DNAAF4: variants seen among roughly 807,000 people sequenced by gnomAD.
DNAAF4 encodes dynein assembly factor 4, axonemal.
Under a neutral mutation model 51.8 loss-of-function variants are expected in DNAAF4, and 43 were observed. The observed-to-expected ratio is 0.83, with a 90% CI of 0.65 to 1.07. The LOEUF (loss-of-function observed/expected upper bound fraction) is 1.07. Among genes scored for constraint, DNAAF4 ranks in the 50% least tolerant of loss-of-function variants. The pLI, the probability that DNAAF4 is intolerant of heterozygous loss-of-function variation, is 0.00. For synonymous variants in DNAAF4, 194 were observed against 165.6 expected (o/e 1.17, Z -1.32); for missense variants, 581 against 493.0 (o/e 1.18, Z -1.69).
downstream of DNAAF4, among the ~76,000 whole-genome samples, chr15:55,426,712 G>C (rs11856786): frequency 6.6e-6 from 1 of 152,232 alleles, no homozygotes; most frequent in African/African-American, 2.4e-5. Context: ...GAGCCACTGA[G>C]CCTGGCCCAA....
intron 8 of DNAAF4, among the ~76,000 whole-genome samples, chr15:55,433,977 A>ATTC (rs796739609): frequency 3.9e-5 from 1 of 25,448 alleles, no homozygotes; most frequent in Non-Finnish European, 5.7e-5. Context: ...TATTTTATAT[A>ATTC]TTATATATAA....
chr15:55,452,004 C>G (rs1044798190), intron 5 of DNAAF4, among the ~76,000 whole-genome samples: 18 of 151,820 alleles, frequency 1.2e-4, no homozygotes, highest in Non-Finnish European at 2.2e-4. Context: ...CCTAGCACTT[C>G]GGGATGCTGA....
At chr15:55,425,093 G>A (rs2057418919) in intron 7 of DNAAF4, among the ~76,000 whole-genome samples, 1 of 151,494 alleles carries the variant, frequency 6.6e-6, no homozygotes, top group South Asian at 2.1e-4. Context: ...TTGAACTCCT[G>A]ACCTCAGTTG....
intron 5 of DNAAF4, among the ~76,000 whole-genome samples, chr15:55,454,136 T>A (rs62019993): frequency 0.98 from 148,780 of 151,414 alleles, 73,143 homozygotes; most frequent in East Asian, 1. Flanking sequence ...CCCCGTGTCT[T>A]CTAAAAATAC....
intron 6 of DNAAF4, chr15:55,443,119 T>A: frequency 6.2e-7 from 1 of 1,610,554 alleles, no homozygotes; most frequent in Non-Finnish European, 8.5e-7. Flanking sequence ...TGTACGTTTA[T>A]ATGAAGGCAA....
At chr15:55,445,267 C>T (rs917893697) in intron 6 of DNAAF4, among the ~76,000 whole-genome samples, 8 of 151,894 alleles carry the variant, frequency 5.3e-5, no homozygotes, top group African/African-American at 1.5e-4. Flanking sequence ...TGCCTTCAAG[C>T]GTCTGTTTAA....
intron 7 of DNAAF4, among the ~76,000 whole-genome samples, chr15:55,436,752 T>C (rs1026197013): frequency 3.9e-5 from 6 of 152,086 alleles, no homozygotes; most frequent in African/African-American, 1.4e-4. Context: ...AATCCTGAAC[T>C]CAAGTATCTA....
intron 4 of DNAAF4, among the ~76,000 whole-genome samples, chr15:55,471,307 A>G (rs1448141935): frequency 6.6e-6 from 1 of 152,062 alleles, no homozygotes. Context: ...AGAACAAAAG[A>G]TTTTCCTATT....
chr15:55,465,687 C>A (rs750854466), intron 5 of DNAAF4, among the ~76,000 whole-genome samples: 11 of 151,880 alleles, frequency 7.2e-5, no homozygotes, highest in Non-Finnish European at 1.3e-4. Context: ...CTGCCTCGGC[C>A]TCCTGAGTAG....
intron 5 of DNAAF4, among the ~76,000 whole-genome samples, chr15:55,450,765 T>C (rs1022087876): frequency 1.3e-5 from 2 of 152,172 alleles, no homozygotes; most frequent in African/African-American, 4.8e-5. Flanking sequence ...TGCTTTCTTA[T>C]AATAGTGTAA....
chr15:55,426,771 G>C (rs916623067), downstream of DNAAF4, among the ~76,000 whole-genome samples: 1 of 152,176 alleles, frequency 6.6e-6, no homozygotes, highest in Non-Finnish European at 1.5e-5. Context: ...AGAGAAGATA[G>C]CCAAATACCC....
Position 55,473,198 on chromosome 15 carries a change from A to AAAAAT in DNAAF4, c.406-6038_406-6037insATTTT, listed in dbSNP as rs1209754897. ...ACAAAAAAAAAACCTAAAAAAAAAA[A>AAAAAT]ATATATATATATATATATATATATG... is the stretch of plus-strand genomic sequence containing the variant. On this transcript the variant is annotated intron_variant, in intron 4 of 9. Transcript: ENST00000321149. 2.2e-3 allele frequency among the ~76,000 whole-genome samples: 170 copies of AAAAAT among 75,744 alleles called. 13 individuals are homozygous for AAAAAT. The highest frequency in any genetic ancestry group is 8.8e-3 in the Middle Eastern group (1 of 114). 49.7% of individuals were successfully genotyped at this position (75,744 alleles called of 152,430 possible).
At chr15:55,461,138 G>A (rs369923735) in intron 5 of DNAAF4, among the ~76,000 whole-genome samples, 3 of 150,956 alleles carry the variant, frequency 2.0e-5, no homozygotes, top group Non-Finnish European at 2.9e-5. Flanking sequence ...GTGCAGTCTC[G>A]GCTCACTGCA....
At chr15:55,482,239 A>G (rs571280053) in intron 4 of DNAAF4, among the ~76,000 whole-genome samples, 2 of 122,508 alleles carry the variant, frequency 1.6e-5, no homozygotes, top group African/African-American at 5.1e-5. Context: ...ATGTAAAAAA[A>G]TTAGAATCAT....
intron 7 of DNAAF4, among the ~76,000 whole-genome samples, chr15:55,421,652 T>C (rs1360871514): frequency 1.3e-5 from 2 of 151,890 alleles, no homozygotes; most frequent in Non-Finnish European, 2.9e-5. Flanking sequence ...TTCGGGAGGC[T>C]GAGGCAGGCA....
intron 6 of DNAAF4, among the ~76,000 whole-genome samples, chr15:55,449,799 A>G (rs972990748): frequency 2.1e-5 from 3 of 144,524 alleles, no homozygotes; most frequent in Non-Finnish European, 4.5e-5. Context: ...CCCAAGTTCA[A>G]GCAATTCTCC....
intron 9 of DNAAF4, among the ~76,000 whole-genome samples, chr15:55,431,538 G>T (rs1383228808): frequency 1.3e-5 from 2 of 148,484 alleles, no homozygotes; most frequent in African/African-American, 5.0e-5. Flanking sequence ...GCAGTGGCGT[G>T]ATCTTGGCTC....
At chr15:55,463,473 A>C (rs1368214688) in intron 5 of DNAAF4, among the ~76,000 whole-genome samples, 1 of 152,188 alleles carries the variant, frequency 6.6e-6, no homozygotes, top group African/African-American at 2.4e-5. Context: ...GAGCATCTAA[A>C]TCAGTAAGGA....
intron 5 of DNAAF4, among the ~76,000 whole-genome samples, chr15:55,454,401 A>G (rs1278463631): frequency 6.6e-6 from 1 of 151,948 alleles, no homozygotes; most frequent in Non-Finnish European, 1.5e-5. Flanking sequence ...TTTTTGAGAC[A>G]GAGTCTCACT....
Sources: allele counts gnomAD v4.1 joint callset (sites outside exome capture counted in the v4.1 genomes callset), GRCh38; gene constraint gnomAD v4.1.1; transcripts MANE v1.5; gene names NCBI Gene and HGNC (gene_info 2026-07-23, HGNC 2026-07-21).